SYT1: variants seen among roughly 807,000 people sequenced by gnomAD.
SYT1 encodes synaptotagmin-1.
A neutral mutation model predicts 44.8 loss-of-function variants in SYT1; 8 were observed. The ratio of observed to expected loss-of-function variants is 0.18; its 90% CI spans 0.10 to 0.32. SYT1 has a LOEUF of 0.32. Among genes scored for constraint, SYT1 ranks in the 10% least tolerant of loss-of-function variants. The pLI is 1.00. For missense variants in SYT1, 286 were observed against 509.3 expected (o/e 0.56, Z 4.22); for synonymous variants, 154 against 188.8 (o/e 0.82, Z 1.51).
intron 3 of SYT1, among the ~76,000 whole-genome samples, chr12:79,165,318 A>C (rs1021690392): frequency 6.6e-6 from 1 of 152,012 alleles, no homozygotes; most frequent in African/African-American, 2.4e-5. Flanking sequence ...TAAATAGCCA[A>C]ATTTATTACA....
intron 4 of SYT1, among the ~76,000 whole-genome samples, chr12:79,247,427 C>T (rs1876917171): frequency 6.6e-6 from 1 of 152,110 alleles, no homozygotes; most frequent in Non-Finnish European, 1.5e-5. Context: ...AATTAACATA[C>T]CACTGCTGGG....
At chr12:79,436,424 A>G (rs563588522) in intron 9 of SYT1, among the ~76,000 whole-genome samples, 1 of 152,300 alleles carries the variant, frequency 6.6e-6, no homozygotes, top group Non-Finnish European at 1.5e-5. Context: ...TATGGTAGAA[A>G]CGGAAAGGCC....
intron 2 of SYT1, among the ~76,000 whole-genome samples, chr12:78,998,316 G>A (rs1870510322): frequency 6.6e-6 from 1 of 152,176 alleles, no homozygotes; most frequent in African/African-American, 2.4e-5. Context: ...GATTTGACAT[G>A]AAACAAATTT....
intron 3 of SYT1, among the ~76,000 whole-genome samples, chr12:79,102,505 C>T (rs1878499928): frequency 6.6e-6 from 1 of 152,180 alleles, no homozygotes; most frequent in Non-Finnish European, 1.5e-5. Flanking sequence ...CTCTGTGTTT[C>T]CTCCTTAGCA....
chr12:79,214,941 ATGTGTGTGTGTG>A (rs71091652), intron 3 of SYT1, among the ~76,000 whole-genome samples: 7,437 of 148,516 alleles, frequency 0.05, 281 homozygotes, highest in Middle Eastern at 0.12. Context: ...ATGTGTGTAT[ATGTGTGTGTGTG>A]TGTGTGTGTG....
chr12:79,142,411 C>A (rs1415682162), intron 3 of SYT1, among the ~76,000 whole-genome samples: 1 of 152,132 alleles, frequency 6.6e-6, no homozygotes, highest in East Asian at 1.9e-4. Context: ...CTGGGAGAGA[C>A]AAAATGTAGA....
chr12:79,218,830 T>G (rs1042228414), intron 4 of SYT1, among the ~76,000 whole-genome samples: 16 of 152,108 alleles, frequency 1.1e-4, no homozygotes, highest in African/African-American at 3.1e-4. Context: ...AACATGGGAG[T>G]GCAGATATCT....
intron 9 of SYT1, among the ~76,000 whole-genome samples, chr12:79,384,268 A>G (rs957459449): frequency 1.3e-5 from 2 of 152,316 alleles, no homozygotes; most frequent in South Asian, 4.2e-4. Flanking sequence ...TGCAACTGCA[A>G]ATATAAAAGC....
chr12:79,063,263 A>G (rs1444828995), intron 3 of SYT1, among the ~76,000 whole-genome samples: 1 of 152,082 alleles, frequency 6.6e-6, no homozygotes, highest in Non-Finnish European at 1.5e-5. Flanking sequence ...TTACTAGTTT[A>G]TGCTTCTATT....
intron 4 of SYT1, among the ~76,000 whole-genome samples, chr12:79,259,598 G>A (rs886226703): frequency 6.6e-6 from 1 of 152,166 alleles, no homozygotes; most frequent in Non-Finnish European, 1.5e-5. Flanking sequence ...GCCAGGCATT[G>A]TGTCATGCAC....
chr12:78,875,962 A>G (rs1010345975), intron 1 of SYT1, among the ~76,000 whole-genome samples: 6 of 151,676 alleles, frequency 4.0e-5, no homozygotes, highest in African/African-American at 1.5e-4. Flanking sequence ...TTCTAAAGAA[A>G]TTAAATACAT....
chr12:79,343,973 C>T (rs1882491470), intron 8 of SYT1, among the ~76,000 whole-genome samples: 1 of 152,150 alleles, frequency 6.6e-6, no homozygotes, highest in African/African-American at 2.4e-5. Flanking sequence ...TTAAAACACC[C>T]ATTTATTAGT....
intron 3 of SYT1, among the ~76,000 whole-genome samples, chr12:79,059,999 A>G (rs1202436724): frequency 6.6e-6 from 1 of 152,106 alleles, no homozygotes; most frequent in Non-Finnish European, 1.5e-5. Flanking sequence ...ACATTATGCA[A>G]ACTGTTTCAT....
At chr12:79,299,639 A>T (rs1880038129) in intron 8 of SYT1, 88 bp downstream of exon 8, 1 of 1,494,048 alleles carries the variant, frequency 6.7e-7, no homozygotes, top group East Asian at 2.3e-5. Flanking sequence ...TACTCTTTAC[A>T]AAGGGGGATG....
intron 1 of SYT1, among the ~76,000 whole-genome samples, chr12:78,975,069 A>G (rs1868718827): frequency 6.6e-6 from 1 of 151,874 alleles, no homozygotes. Flanking sequence ...CTTCACACAT[A>G]TATTGTTCCC....
rs1871051315 is a variant in SYT1 at position 79,451,381 on chromosome 12, A to G, written c.*2257A>G. 6.6e-6 allele frequency: 1 copy of G among 152,254 alleles called. No individual in the cohort carries two copies. Among genetic ancestry groups the G allele is most frequent in the Admixed American group, 6.5e-5 (1 of 15,284 alleles). The allele number at this position is 152,254 out of a possible 1,614,324, so 9.4% of individuals were successfully genotyped here. On this transcript the variant is annotated 3_prime_UTR_variant, in exon 11 of 11. Transcript: ENST00000261205. Reference sequence around the variant, plus strand: ...CCAATTTAAAGGGCCAAACCCTACCAAAGAGAGGGAGTTGACTGGCTTTTA... The same window carrying G: ...CCAATTTAAAGGGCCAAACCCTACCGAAGAGAGGGAGTTGACTGGCTTTTA...
At chr12:79,090,525 TG>T (rs1361849577) in intron 3 of SYT1, among the ~76,000 whole-genome samples, 2 of 151,992 alleles carry the variant, frequency 1.3e-5, no homozygotes, top group Non-Finnish European at 2.9e-5. Flanking sequence ...TAAGCAGTGC[TG>T]GGGTTCATGT....
At chr12:79,045,090 C>T (rs927252449) in intron 2 of SYT1, among the ~76,000 whole-genome samples, 11 of 152,074 alleles carry the variant, frequency 7.2e-5, no homozygotes, top group African/African-American at 2.4e-4. Flanking sequence ...CTGTGCCCTG[C>T]CCCCAGAGGT....
At chr12:78,876,919 ATAATATATAT>A (rs1487431850) in intron 1 of SYT1, among the ~76,000 whole-genome samples, 4 of 109,746 alleles carry the variant, frequency 3.6e-5, no homozygotes, top group Admixed American at 1.2e-4. Context: ...TGTATTATAT[ATAATATATAT>A]TATATATTAT....
Sources: gnomAD v4.1 joint callset for allele counts (sites outside exome capture counted in the v4.1 genomes callset) on GRCh38, gnomAD v4.1.1 for gene constraint, MANE v1.5 for transcripts, NCBI Gene and HGNC (gene_info 2026-07-23, HGNC 2026-07-21) for gene names.